Variants in RBFOX3 observed in about 807,000 individuals in gnomAD.
RBFOX3 encodes RNA binding fox-1 homolog 3.
In RBFOX3, 17 loss-of-function variants were observed where a neutral mutation model predicts 48.7. The ratio of observed to expected loss-of-function variants is 0.35; its 90% CI spans 0.24 to 0.52. The LOEUF (loss-of-function observed/expected upper bound fraction) is 0.52. RBFOX3 is among the 20% of genes least tolerant of loss of function. RBFOX3 has a pLI of 0.94. For synonymous variants in RBFOX3, 212 were observed against 209.5 expected (o/e 1.01, Z -0.10); for missense variants, 382 against 497.5 (o/e 0.77, Z 2.21).
At chr17:79,323,318 A>C (rs2078823954) in intron 2 of RBFOX3, among the ~76,000 whole-genome samples, 1 of 152,168 alleles carries the variant, frequency 6.6e-6, no homozygotes, top group East Asian at 1.9e-4. Flanking sequence ...TATTTCCAGG[A>C]GCCACTTACT....
At chr17:79,540,791 G>C (rs943561326) in intron 1 of RBFOX3, among the ~76,000 whole-genome samples, 11 of 152,234 alleles carry the variant, frequency 7.2e-5, no homozygotes, top group Non-Finnish European at 5.9e-5. Flanking sequence ...TATTCTTGAA[G>C]GGGTTTCTAA....
At chr17:79,177,906 G>A (rs1366028191) in intron 4 of RBFOX3, among the ~76,000 whole-genome samples, 1 of 152,220 alleles carries the variant, frequency 6.6e-6, no homozygotes, top group Non-Finnish European at 1.5e-5. Context: ...CAGCCCCTGA[G>A]AAACACACAT....
chr17:79,224,744 G>A (rs560959324), intron 4 of RBFOX3, among the ~76,000 whole-genome samples: 69 of 152,192 alleles, frequency 4.5e-4, no homozygotes, highest in African/African-American at 1.6e-3. Context: ...TGGAGGATGT[G>A]TCATCTGGTC....
intron 2 of RBFOX3, among the ~76,000 whole-genome samples, chr17:79,460,124 A>G (rs1487760402): frequency 6.6e-6 from 1 of 152,178 alleles, no homozygotes; most frequent in Non-Finnish European, 1.5e-5. Flanking sequence ...GAGGCTGCTA[A>G]TGAGTACAGG....
At chr17:79,455,278 G>C (rs8069539) in intron 2 of RBFOX3, among the ~76,000 whole-genome samples, 8 of 151,856 alleles carry the variant, frequency 5.3e-5, no homozygotes, top group African/African-American at 1.7e-4. Context: ...GAGCGGAGAG[G>C]GGGAGAGGCA....
chr17:79,531,650 C>T (rs2150086389), intron 1 of RBFOX3, among the ~76,000 whole-genome samples: 1 of 152,298 alleles, frequency 6.6e-6, no homozygotes, highest in African/African-American at 2.4e-5. Context: ...CCTTGGCCGC[C>T]TCCCAAGGGG....
intron 2 of RBFOX3, 39 bp from the exon 3 acceptor site, chr17:79,307,863 T>G (rs2076296946): frequency 6.5e-6 from 1 of 153,726 alleles, no homozygotes; most frequent in African/African-American, 2.4e-5. Flanking sequence ...AAAACGGTGT[T>G]CAATCTCTGA....
chr17:79,290,747 C>T (rs2073095407), intron 3 of RBFOX3, among the ~76,000 whole-genome samples: 1 of 152,204 alleles, frequency 6.6e-6, no homozygotes, highest in Non-Finnish European at 1.5e-5. Context: ...TTACATACAT[C>T]TCATCGAGCC....
chr17:79,172,128 T>G (rs568601804), intron 4 of RBFOX3, among the ~76,000 whole-genome samples: 8 of 125,798 alleles, frequency 6.4e-5, no homozygotes, highest in Non-Finnish European at 1.1e-4. Context: ...GAGCCGACAT[T>G]ACACCACTGC....
At chr17:79,469,158 T>C (rs2076748032) in intron 2 of RBFOX3, among the ~76,000 whole-genome samples, 1 of 152,086 alleles carries the variant, frequency 6.6e-6, no homozygotes, top group Non-Finnish European at 1.5e-5. Context: ...AACCCCTATA[T>C]TTTCCCCTAC....
At chr17:79,260,282 G>A (rs1471268380) in intron 3 of RBFOX3, among the ~76,000 whole-genome samples, 1 of 152,112 alleles carries the variant, frequency 6.6e-6, no homozygotes, top group Non-Finnish European at 1.5e-5. Flanking sequence ...GCTTCTCCCA[G>A]GGCCCCTTCC....
the RBFOX3 span, among the ~76,000 whole-genome samples, chr17:79,620,267 G>GC: frequency 7.4e-6 from 1 of 135,568 alleles, no homozygotes; most frequent in Admixed American, 7.3e-5. Flanking sequence ...ACACACACGT[G>GC]CACACATACG....
rs1037642618 is a variant in RBFOX3, at chr17:79,361,590, C to T, written c.-174-53766G>A. ...CTCTGCCAGGCACTGTCCAGGGCTT[C>T]CCTAAGGGACATGCCAGCCCACGTC... is the stretch of plus-strand genomic sequence containing the variant. On this transcript the variant is annotated intron_variant, in intron 2 of 14. Transcript: ENST00000693108. This position sits in a 1 kb window ranked among gnomAD's most constrained non-coding sequence, Gnocchi z 4.5. 6.6e-6 allele frequency among the ~76,000 whole-genome samples: 1 copy of T among 152,196 alleles called. No individual in the cohort carries two copies. The highest frequency in any genetic ancestry group is 1.5e-5 in the Non-Finnish European group (1 of 68,034).
Position 79,252,839 on chromosome 17 carries a change from C to A in RBFOX3, c.-73-17034G>T, listed in dbSNP as rs1357111068. On this transcript the variant is annotated intron_variant, in intron 3 of 14. Coordinates refer to ENST00000693108, the MANE Select transcript of RBFOX3 (RefSeq NM_001350451.2). This position sits in a 1 kb window ranked among gnomAD's most constrained non-coding sequence, Gnocchi z 4.0. Reference sequence around the variant, plus strand: ...AGGCGTGGACCCAGGCTTTCTGCCTCTCCAATGAGACAGGAGGGCAGGGAG... The same window carrying A: ...AGGCGTGGACCCAGGCTTTCTGCCTATCCAATGAGACAGGAGGGCAGGGAG... 2.0e-5 allele frequency among the ~76,000 whole-genome samples: 3 copies of A among 152,190 alleles called. No homozygotes were observed. Among genetic ancestry groups the A allele is most frequent in the Non-Finnish European group, 4.4e-5 (3 of 68,044 alleles).
At chr17:79,267,817 G>A (rs1347705667) in intron 3 of RBFOX3, among the ~76,000 whole-genome samples, 1 of 152,172 alleles carries the variant, frequency 6.6e-6, no homozygotes, top group Non-Finnish European at 1.5e-5. Context: ...GGTCTAAGGT[G>A]TGGAAACCTG....
chr17:79,209,492 C>T (rs2058056399), intron 4 of RBFOX3, among the ~76,000 whole-genome samples: 1 of 152,204 alleles, frequency 6.6e-6, no homozygotes, highest in South Asian at 2.1e-4. Flanking sequence ...GCCGGCACCG[C>T]AGGTGTGGCC....
chr17:79,171,103 T>C (rs1012441447), intron 4 of RBFOX3, among the ~76,000 whole-genome samples: 3 of 152,130 alleles, frequency 2.0e-5, no homozygotes, highest in Non-Finnish European at 2.9e-5. Flanking sequence ...TGTCGAGCAA[T>C]TGAGGTGGGT....
intron 2 of RBFOX3, among the ~76,000 whole-genome samples, chr17:79,449,006 G>A (rs969990018): frequency 1.3e-5 from 2 of 152,104 alleles, no homozygotes; most frequent in Admixed American, 6.5e-5. Flanking sequence ...GGACCCTCAC[G>A]TCTGCCTGCC....
intron 2 of RBFOX3, among the ~76,000 whole-genome samples, chr17:79,310,617 T>C (rs945265082): frequency 6.6e-6 from 1 of 152,148 alleles, no homozygotes; most frequent in Non-Finnish European, 1.5e-5. Context: ...GTGGAGCTCC[T>C]GCAGGCTCAC....
Sources: allele counts gnomAD v4.1 joint callset (sites outside exome capture counted in the v4.1 genomes callset), GRCh38; gene constraint gnomAD v4.1.1; non-coding constraint Gnocchi (gnomAD v3.1); transcripts MANE v1.5; gene names NCBI Gene and HGNC (gene_info 2026-07-23, HGNC 2026-07-21).